The following PDE10A variants were observed in gnomAD, a reference collection of about 807,000 sequenced individuals.
The protein encoded by PDE10A is phosphodiesterase 10A.
In PDE10A, 39 loss-of-function variants were observed where a neutral mutation model predicts 97.7. That is an observed-to-expected ratio of 0.40 (90% CI 0.31 to 0.52). The LOEUF is 0.52. Ranked by LOEUF, PDE10A falls within the 20% of genes least tolerant of loss-of-function variation. PDE10A has a pLI of 0.56. For missense variants in PDE10A, 731 were observed against 1,047.8 expected (o/e 0.70, Z 4.17); for synonymous variants, 371 against 376.8 (o/e 0.98, Z 0.18).
chr6:165,783,056 A>G (rs1283692789), intron 1 of PDE10A, among the ~76,000 whole-genome samples: 2 of 151,966 alleles, frequency 1.3e-5, no homozygotes, highest in African/African-American at 4.8e-5. Context: ...TGACTCACAT[A>G]CTCTGTAGAA....
At chr6:165,681,799 T>G (rs1790985470) in intron 1 of PDE10A, among the ~76,000 whole-genome samples, 1 of 152,194 alleles carries the variant, frequency 6.6e-6, no homozygotes, top group Non-Finnish European at 1.5e-5. Flanking sequence ...CTGCTCCTAG[T>G]CCTTCTAATA....
intron 2 of PDE10A, among the ~76,000 whole-genome samples, chr6:165,511,669 A>G (rs1358054614): frequency 6.6e-6 from 1 of 151,988 alleles, no homozygotes; most frequent in Non-Finnish European, 1.5e-5. Flanking sequence ...TAGATCTAGT[A>G]ATATTAGCTT....
intron 10 of PDE10A, among the ~76,000 whole-genome samples, chr6:165,421,556 A>G (rs1317820967): frequency 6.6e-6 from 1 of 152,254 alleles, no homozygotes; most frequent in Non-Finnish European, 1.5e-5. Flanking sequence ...ACAACAGTCC[A>G]TATTATACCA....
intron 1 of PDE10A, among the ~76,000 whole-genome samples, chr6:165,633,056 A>G (rs758079255): frequency 1.3e-5 from 2 of 150,638 alleles, no homozygotes; most frequent in African/African-American, 4.9e-5. Context: ...CATACTTCTG[A>G]GAAGAAAGAA....
chr6:165,388,848 A>G lies in PDE10A; in HGVS notation c.2455-395T>C, dbSNP rs1364594575. Among the ~76,000 whole-genome samples, 1 of 152,262 alleles carries G rather than the reference A, an allele frequency of 6.6e-6. No individual in the cohort carries two copies. Among genetic ancestry groups the G allele is most frequent in the Non-Finnish European group, 1.5e-5 (1 of 68,048 alleles). Reference sequence around the variant, plus strand: ...ATCTATTCAATGTTAAATTCTAACAATGCTATTGCTATTATAAACAATAAA... The same window carrying G: ...ATCTATTCAATGTTAAATTCTAACAGTGCTATTGCTATTATAAACAATAAA... On this transcript the variant is annotated intron_variant, in intron 16 of 21. Coordinates refer to ENST00000539869, the MANE Select transcript of PDE10A (RefSeq NM_001385079.1). The surrounding 1 kb of genome is among the most constrained non-coding windows in gnomAD (Gnocchi z 4.0).
chr6:165,961,878 T>C (rs752896022), intron 1 of PDE10A, among the ~76,000 whole-genome samples: 3 of 152,186 alleles, frequency 2.0e-5, no homozygotes, highest in African/African-American at 4.8e-5. Flanking sequence ...CAACCTGCAG[T>C]AAAAGGTGGT....
In PDE10A at chr6:165,339,107, C is replaced by T. The variant is rs75308941; in HGVS notation, c.2976+171G>A. Among the ~76,000 whole-genome samples the T allele has an allele frequency of 4.1e-3, 626 of 152,302 alleles. 5 individuals are homozygous for T. Among genetic ancestry groups the T allele is most frequent in the African/African-American group, 0.014 (581 of 41,560 alleles). On this transcript the variant is annotated intron_variant, in intron 20 of 21. Coordinates refer to ENST00000539869, the MANE Select transcript of PDE10A (RefSeq NM_001385079.1). The stretch of plus-strand genomic sequence containing the variant: ...AAACAGTTTTTCTTTTTCTAGTTCT[C>T]AATCTTGTAAGATAAATTTCTGAAG...
chr6:165,403,100 T>C (rs1786797642), intron 13 of PDE10A, among the ~76,000 whole-genome samples: 1 of 152,172 alleles, frequency 6.6e-6, no homozygotes, highest in Non-Finnish European at 1.5e-5. Flanking sequence ...ACTGTAGTAC[T>C]TAGCCAAGAA....
chr6:165,768,316 T>C (rs1365935583), intron 1 of PDE10A, among the ~76,000 whole-genome samples: 1 of 152,190 alleles, frequency 6.6e-6, no homozygotes, highest in Non-Finnish European at 1.5e-5. Flanking sequence ...TTTCTGTTGC[T>C]TGTGCTTTAA....
At position 165,885,268 on chromosome 6, in the gene PDE10A, A is replaced by T. The variant is rs139072733; in HGVS notation, c.-615+102261T>A. 6.6e-3 allele frequency among the ~76,000 whole-genome samples: 998 copies of T among 152,318 alleles called. 9 individuals carry two copies. The highest frequency in any genetic ancestry group is 0.021 in the African/African-American group (888 of 41,572). On this transcript the variant is annotated intron_variant, in intron 1 of 19. Transcript: ENST00000366882. ...GACTCACAGTTCTGCACGGCAGAGG[A>T]GGCCTCAGGAAACTTACAATCATGG...
At chr6:165,884,422 G>A (rs1781574034) in intron 1 of PDE10A, among the ~76,000 whole-genome samples, 1 of 152,154 alleles carries the variant, frequency 6.6e-6, no homozygotes, top group Non-Finnish European at 1.5e-5. Context: ...GCAGCTGGAG[G>A]AAGGCCCTGC....
intron 8 of PDE10A, among the ~76,000 whole-genome samples, chr6:165,430,998 A>G (rs964641908): frequency 3.3e-5 from 5 of 152,200 alleles, no homozygotes; most frequent in African/African-American, 1.2e-4. Flanking sequence ...TAAATTAGAT[A>G]TCTTCAAAAG....
chr6:165,751,878 G>A (rs1028849439), intron 1 of PDE10A, among the ~76,000 whole-genome samples: 2 of 151,924 alleles, frequency 1.3e-5, no homozygotes, highest in African/African-American at 2.4e-5. Flanking sequence ...GGTGGCTCAT[G>A]CCTGTAATCC....
At chr6:165,953,585 C>T (rs552191072) in intron 1 of PDE10A, among the ~76,000 whole-genome samples, 33 of 60,866 alleles carry the variant, frequency 5.4e-4, no homozygotes, top group Admixed American at 9.3e-4. Context: ...AATGAGACTT[C>T]GTCTCAAAAA....
intron 3 of PDE10A, among the ~76,000 whole-genome samples, chr6:165,468,776 G>A (rs1037772944): frequency 2.0e-5 from 3 of 152,178 alleles, no homozygotes; most frequent in Non-Finnish European, 4.4e-5. Context: ...CACAATCTAG[G>A]TGTGATTGGA....
intron 1 of PDE10A, chr6:165,940,885 T>C (rs1213820124): frequency 6.6e-6 from 1 of 152,254 alleles, no homozygotes; most frequent in Admixed American, 6.5e-5. Context: ...CTTTTGGTGC[T>C]ATAGTAGCCG....
At chr6:165,374,340 A>C (rs566675857) in intron 18 of PDE10A, among the ~76,000 whole-genome samples, 20 of 152,110 alleles carry the variant, frequency 1.3e-4, no homozygotes, top group African/African-American at 4.3e-4. Context: ...GTCCTCCTGA[A>C]ACTAAATCTG....
intron 13 of PDE10A, among the ~76,000 whole-genome samples, chr6:165,404,093 T>A (rs1322921198): frequency 6.6e-6 from 1 of 152,182 alleles, no homozygotes; most frequent in Non-Finnish European, 1.5e-5. Flanking sequence ...AAAGAAAATA[T>A]AAATATCTGA....
intron 1 of PDE10A, among the ~76,000 whole-genome samples, chr6:165,878,446 T>G (rs865927423): frequency 6.6e-6 from 1 of 152,226 alleles, no homozygotes; most frequent in Non-Finnish European, 1.5e-5. Flanking sequence ...CATCAATCAC[T>G]TCCCTACTAT....
Sources: gnomAD v4.1 joint callset for allele counts (sites outside exome capture counted in the v4.1 genomes callset) on GRCh38, gnomAD v4.1.1 for gene constraint, Gnocchi (gnomAD v3.1) non-coding constraint, MANE v1.5 for transcripts, NCBI Gene and HGNC (gene_info 2026-07-23, HGNC 2026-07-21) for gene names.